The following RPL7A variants were observed in gnomAD, a reference collection of about 807,000 sequenced individuals.
The protein encoded by RPL7A is ribosomal protein L7a.
For synonymous variants in RPL7A, 158 were observed against 128.2 expected (o/e 1.23, Z -1.57); for missense variants, 291 against 338.2 (o/e 0.86, Z 1.09).
In RPL7A at chr9:133,350,741, C is replaced by T. The variant is rs2129995750; in HGVS notation, c.626+14C>T. The T allele has an allele frequency of 6.2e-6, 10 of 1,610,880 alleles. No homozygotes were observed. The Admixed American group carries it at 1.5e-4, about 24-fold the overall frequency. On this transcript the variant is annotated intron_variant, in intron 6 of 7. Coordinates refer to ENST00000323345, the MANE Select transcript of RPL7A (RefSeq NM_000972.3). ...ACAGGTGAACTCGTAAGTACACAGCCTGGCCCCAAACTTCCCCCCAGTTCA... is the reference window on the plus strand; with the variant it reads ...ACAGGTGAACTCGTAAGTACACAGCTTGGCCCCAAACTTCCCCCCAGTTCA...
chr9:133,349,915 C>G lies in RPL7A; in HGVS notation c.278C>G (p.Thr93Ser), dbSNP rs2129989710. The change falls in exon 4 of 8, where the codon ACT becomes AGT. Residue 93 changes from threonine (T) to serine (S), a missense_variant. Transcript: ENST00000323345. ...FTQALDRQTA[T>S]QLLKLAHKYR... is the part of the protein sequence containing the mutation. ...AAACTGAAGAGTGTTTTTCCAGCTA[C>G]TCAGCTGCTTAAGCTGGCCCACAAG... 3.7e-6 allele frequency: 6 copies of G among 1,611,322 alleles called. No individual in the cohort carries two copies. In the South Asian group the frequency reaches 4.4e-5, roughly 12 times the overall value.
At chr9:133,348,827 G>A (rs2119073879) in intron 1 of RPL7A, 95 bp from the exon 2 acceptor site, 3 of 1,598,494 alleles carry the variant, frequency 1.9e-6, no homozygotes, top group East Asian at 2.2e-5. Context: ...GGCAGGTGCT[G>A]TCAGCGTCCC....
intron 1 of RPL7A, 161 bp from the exon 2 acceptor site, chr9:133,348,761 T>C (rs2129980633): frequency 1.0e-5 from 11 of 1,053,088 alleles, no homozygotes; most frequent in Non-Finnish European, 1.6e-5. Context: ...TGTGAGATGC[T>C]CCTGTCGAGG....
chr9:133,349,306 C>G, intron 2 of RPL7A: 1 of 790,678 alleles, frequency 1.3e-6, no homozygotes, highest in Non-Finnish European at 2.2e-6. Flanking sequence ...CAGCGAGGTA[C>G]TAGGACTGCA....
chr9:133,349,154 T>G, intron 2 of RPL7A, 112 bp downstream of exon 2: 3 of 1,277,598 alleles, frequency 2.3e-6, no homozygotes, highest in Non-Finnish European at 3.3e-6. Flanking sequence ...GTCGCAGTCC[T>G]TAATTTGTGT....
Position 133,351,390 on chromosome 9 carries a change from A to C in RPL7A, c.*24A>C, listed in dbSNP as rs1423313414. 6.7e-7 allele frequency: 1 copy of C among 1,488,350 alleles called. No homozygotes were observed. The allele number at this position is 1,488,350 out of a possible 1,614,324, so 92.2% of individuals were successfully genotyped here. A position where few individuals can be genotyped will look rare whatever the true frequency, so the allele number is the denominator to read the frequency against. On this transcript the variant is annotated 3_prime_UTR_variant, in exon 8 of 8. Transcript: ENST00000323345. ...AAATGTACACTGTTGAGTTTTCTGTACATAAAAATAATTGAAATAATACAA... is the reference window on the plus strand; with the variant it reads ...AAATGTACACTGTTGAGTTTTCTGTCCATAAAAATAATTGAAATAATACAA...
intron 3 of RPL7A, 65 bp downstream of exon 3, chr9:133,349,765 A>AGG (rs958906413): frequency 1.8e-5 from 29 of 1,602,168 alleles, no homozygotes; most frequent in Middle Eastern, 1.7e-4. Context: ...CCAGAACATG[A>AGG]GGGGGATGGT....
chr9:133,351,154 C>G (rs1356736119), intron 7 of RPL7A, 83 bp downstream of exon 7: 2 of 1,544,966 alleles, frequency 1.3e-6, no homozygotes, highest in Non-Finnish European at 1.8e-6. Flanking sequence ...ATGAGAAGTT[C>G]TATCTGACGA....
At chr9:133,349,421 C>T (rs2129985834) in intron 2 of RPL7A, 130 bp from the exon 3 acceptor site, 19 of 1,110,636 alleles carry the variant, frequency 1.7e-5, no homozygotes, top group East Asian at 7.0e-5. Context: ...AGAATATTTG[C>T]TATCTGAGAG....
Position 133,350,874 on chromosome 9 carries a change from C to A in RPL7A, c.627-128C>A, listed in dbSNP as rs2129996674. The A allele has an allele frequency of 2.7e-6, 4 of 1,464,442 alleles. No homozygotes were observed. In the East Asian group the frequency reaches 6.8e-5, roughly 25 times the overall value. The allele number at this position is 1,464,442 out of a possible 1,614,324, so 90.7% of individuals were successfully genotyped here. A position where few individuals can be genotyped will look rare whatever the true frequency, so the allele number is the denominator to read the frequency against. ...CCAATGATGGTTAAGAATTTCTTCA[C>A]CTGAATAAACCATGTGGTCAGCATT... On this transcript the variant is annotated intron_variant, in intron 6 of 7. Coordinates refer to ENST00000323345, the MANE Select transcript of RPL7A (RefSeq NM_000972.3).
intron 3 of RPL7A, 86 bp from the exon 4 acceptor site, chr9:133,349,826 A>T (rs1302625402): frequency 2.3e-5 from 36 of 1,584,222 alleles, no homozygotes; most frequent in Non-Finnish European, 2.9e-5. Flanking sequence ...ATATAGCAGG[A>T]CCGCAGTCCA....
At chr9:133,350,086 G>A in intron 4 of RPL7A, 34 bp downstream of exon 4, 3 of 1,613,960 alleles carry the variant, frequency 1.9e-6, no homozygotes, top group South Asian at 1.1e-5. Flanking sequence ...GAACACTGGG[G>A]GCGGGCTGTT....
intron 7 of RPL7A, 74 bp downstream of exon 7, chr9:133,351,145 TGA>T (rs1836388049): frequency 1.3e-6 from 2 of 1,559,918 alleles, no homozygotes; most frequent in Admixed American, 3.4e-5. Flanking sequence ...GCTTAACCTA[TGA>T]GAAGTTCTAT....
At chr9:133,350,209 T>C in intron 4 of RPL7A, 31 bp from the exon 5 acceptor site, 1 of 1,613,100 alleles carries the variant, frequency 6.2e-7, no homozygotes, top group Non-Finnish European at 8.5e-7. Context: ...GCAGGCCCTG[T>C]GAGTGCTCAC....
chr9:133,348,551 C>T, intron 1 of RPL7A: 1 of 594,798 alleles, frequency 1.7e-6, no homozygotes, highest in East Asian at 2.8e-5. Context: ...CTCGGGCTTG[C>T]TGGGGGCCGC....
intron 4 of RPL7A, 67 bp downstream of exon 4, chr9:133,350,119 C>T (rs2129991463): frequency 3.1e-6 from 5 of 1,613,562 alleles, no homozygotes; most frequent in Admixed American, 1.7e-5. Context: ...AATTTCTTGG[C>T]CTGAAATTAC....
At chr9:133,349,495 G>C (rs116631717) in intron 2 of RPL7A, 56 bp from the exon 3 acceptor site, 3 of 1,611,736 alleles carry the variant, frequency 1.9e-6, no homozygotes, top group East Asian at 4.5e-5. Flanking sequence ...AGTGGCCCCA[G>C]ACATGAACTT....
chr9:133,350,015 G>C lies in RPL7A; in HGVS notation c.378G>C (p.Gly126=). The stretch of plus-strand genomic sequence containing the variant: ...CCGAGAAGAAGGCTGCTGGCAAAGG[G>C]GACGTCCCAACGAAGAGACCACCTG... ...ARAEKKAAGK[G]DVPTKRPPVL... Residue 126 remains glycine, a synonymous_variant, in exon 4 of 8, where the codon GGG becomes GGC. Transcript: ENST00000323345. 6.2e-7 allele frequency: 1 copy of C among 1,613,306 alleles called. No individual in the cohort carries two copies. Among genetic ancestry groups the C allele is most frequent in the Admixed American group, 1.7e-5 (1 of 60,020 alleles).
Position 133,350,039 on chromosome 9 carries a change from T to G in RPL7A, c.402T>G (p.Pro134=). 2 of 1,613,822 alleles carry G rather than the reference T, an allele frequency of 1.2e-6. No homozygotes were observed. Among genetic ancestry groups the G allele is most frequent in the Non-Finnish European group, 1.7e-6 (2 of 1,180,022 alleles). Residue 134 remains proline (P), a synonymous_variant, in exon 4 of 8, where the codon CCT becomes CCG. Coordinates refer to ENST00000323345, the MANE Select transcript of RPL7A (RefSeq NM_000972.3). Reference sequence around the variant, plus strand: ...GGGACGTCCCAACGAAGAGACCACCTGTCCTTCGAGCAGGTGAGTAGGCCC... The same window carrying G: ...GGGACGTCCCAACGAAGAGACCACCGGTCCTTCGAGCAGGTGAGTAGGCCC... ...GKGDVPTKRP[P]VLRAGVNTVT...
Sources: gnomAD v4.1 joint callset for allele counts on GRCh38, gnomAD v4.1.1 for gene constraint, MANE v1.5 for transcripts, NCBI Gene and HGNC (gene_info 2026-07-23, HGNC 2026-07-21) for gene names.